The following SLC44A5 variants were observed in gnomAD, a reference collection of about 807,000 sequenced individuals.
SLC44A5 encodes the protein solute carrier family 44 member 5.
Under a neutral mutation model 101.8 loss-of-function variants are expected in SLC44A5, and 57 were observed. The ratio of observed to expected loss-of-function variants is 0.56; its 90% CI spans 0.45 to 0.70. SLC44A5 has a LOEUF of 0.70. SLC44A5 is among the 30% of genes least tolerant of loss of function. The pLI, the probability that SLC44A5 is intolerant of heterozygous loss-of-function variation, is 0.00. For synonymous variants in SLC44A5, 281 were observed against 290.9 expected, an observed-to-expected ratio of 0.97 and a Z score of 0.35; for missense variants, 737 against 853.1, an observed-to-expected ratio of 0.86 and a Z score of 1.70.
At chr1:75,582,430 T>C in intron 1 of SLC44A5, 1 of 681,324 alleles carries the variant, frequency 1.5e-6, no homozygotes, top group South Asian at 1.8e-5. Context: ...ATGCCCACAT[T>C]GCCAAAGGGC....
At chr1:75,386,183 A>T (rs1288508724) in intron 3 of SLC44A5, among the ~76,000 whole-genome samples, 2 of 152,100 alleles carry the variant, frequency 1.3e-5, no homozygotes, top group Admixed American at 6.5e-5. Flanking sequence ...ACTCCTATTC[A>T]ACATAGTGTT....
At chr1:75,214,701 T>C in intron 19 of SLC44A5, 23 bp from the exon 20 acceptor site, 1 of 1,594,858 alleles carries the variant, frequency 6.3e-7, no homozygotes, top group South Asian at 1.1e-5. Flanking sequence ...GTGGCTATTA[T>C]TCTGGAGCCA....
chr1:75,467,710 A>T (rs528826160), intron 2 of SLC44A5, among the ~76,000 whole-genome samples: 40 of 152,326 alleles, frequency 2.6e-4, no homozygotes, highest in African/African-American at 7.7e-4. Context: ...TAAATCTAAG[A>T]CTTCAATCTA....
At chr1:75,389,536 A>G (rs912006333) in intron 3 of SLC44A5, among the ~76,000 whole-genome samples, 2 of 152,128 alleles carry the variant, frequency 1.3e-5, no homozygotes, top group African/African-American at 2.4e-5. Flanking sequence ...AAACCACACA[A>G]CTACATGAAA....
chr1:75,527,665 T>C (rs1348028898), intron 2 of SLC44A5, among the ~76,000 whole-genome samples: 1 of 152,184 alleles, frequency 6.6e-6, no homozygotes, highest in East Asian at 1.9e-4. Context: ...CTTATTTCAT[T>C]TTAAATTGAT....
At chr1:75,254,294 C>T (rs1379905115) in intron 6 of SLC44A5, among the ~76,000 whole-genome samples, 1 of 152,150 alleles carries the variant, frequency 6.6e-6, no homozygotes, top group East Asian at 1.9e-4. Context: ...CTGCATCGGC[C>T]TCCCAAAGTG....
chr1:75,606,783 C>T (rs1377883025), intron 1 of SLC44A5, among the ~76,000 whole-genome samples: 1 of 151,936 alleles, frequency 6.6e-6, no homozygotes, highest in African/African-American at 2.4e-5. Context: ...CTATGGGCAG[C>T]GTTTGACACT....
chr1:75,302,605 G>A (rs904491960), intron 4 of SLC44A5, among the ~76,000 whole-genome samples: 2 of 152,056 alleles, frequency 1.3e-5, no homozygotes, highest in Admixed American at 6.6e-5. Flanking sequence ...TATACATGCA[G>A]ACCTATGATA....
intron 5 of SLC44A5, among the ~76,000 whole-genome samples, chr1:75,296,580 T>C (rs1291801917): frequency 4.6e-5 from 7 of 152,038 alleles, no homozygotes; most frequent in African/African-American, 7.2e-5. Context: ...ATTAGGTACA[T>C]TTCCTGCATC....
chr1:75,462,740 A>T (rs1666574692), intron 2 of SLC44A5, among the ~76,000 whole-genome samples: 1 of 152,148 alleles, frequency 6.6e-6, no homozygotes, highest in African/African-American at 2.4e-5. Flanking sequence ...AGTGCAATTG[A>T]CATACTGAAG....
intron 4 of SLC44A5, among the ~76,000 whole-genome samples, chr1:75,337,375 A>G (rs1422742081): frequency 6.6e-6 from 1 of 152,216 alleles, no homozygotes; most frequent in Non-Finnish European, 1.5e-5. Flanking sequence ...CTTACCTAAC[A>G]GAAGAAAGCA....
At chr1:75,538,862 C>T (rs918596278) in intron 2 of SLC44A5, among the ~76,000 whole-genome samples, 1 of 152,194 alleles carries the variant, frequency 6.6e-6, no homozygotes, top group African/African-American at 2.4e-5. Context: ...TGAAACCATA[C>T]ATTGGCCTGG....
intron 2 of SLC44A5, among the ~76,000 whole-genome samples, chr1:75,469,117 T>C (rs1405030113): frequency 6.6e-6 from 1 of 152,220 alleles, no homozygotes; most frequent in Non-Finnish European, 1.5e-5. Context: ...ATTCAGATTA[T>C]CATTTCAACA....
intron 1 of SLC44A5, among the ~76,000 whole-genome samples, chr1:75,553,615 G>C (rs958521282): frequency 2.0e-5 from 3 of 152,152 alleles, no homozygotes; most frequent in Non-Finnish European, 4.4e-5. Context: ...GGAAAGAAAG[G>C]TATGTCAATA....
chr1:75,590,579 G>A (rs373700984), intron 1 of SLC44A5, among the ~76,000 whole-genome samples: 2 of 152,234 alleles, frequency 1.3e-5, no homozygotes, highest in African/African-American at 2.4e-5. Flanking sequence ...AGTGCCCTGA[G>A]GGGAGTCTAG....
chr1:75,666,255 G>A, the SLC44A5 span, among the ~76,000 whole-genome samples: 1 of 152,116 alleles, frequency 6.6e-6, no homozygotes, highest in Non-Finnish European at 1.5e-5. Flanking sequence ...TAAAAAAAAT[G>A]TGGTATAAAA....
intron 2 of SLC44A5, among the ~76,000 whole-genome samples, chr1:75,487,476 A>G (rs1159368251): frequency 6.6e-6 from 1 of 152,208 alleles, no homozygotes; most frequent in Non-Finnish European, 1.5e-5. Context: ...CATCACACAT[A>G]CTGCATAGAA....
the SLC44A5 span, among the ~76,000 whole-genome samples, chr1:75,722,969 G>A: frequency 4.6e-5 from 7 of 152,174 alleles, no homozygotes; most frequent in Non-Finnish European, 7.3e-5. Context: ...ACTGGTCCAA[G>A]GAAGCATTAG....
chr1:75,408,655 C>T, intron 2 of SLC44A5, among the ~76,000 whole-genome samples: 1 of 149,146 alleles, frequency 6.7e-6, no homozygotes, highest in Non-Finnish European at 1.5e-5. Flanking sequence ...GGGAGTTGAA[C>T]AGTGAGAACA....
Sources: gnomAD v4.1 joint callset for allele counts (sites outside exome capture counted in the v4.1 genomes callset) on GRCh38, gnomAD v4.1.1 for gene constraint, MANE v1.5 for transcripts, NCBI Gene and HGNC (gene_info 2026-07-23, HGNC 2026-07-21) for gene names.